Variants in RANBP1 observed in about 807,000 individuals in gnomAD.
RANBP1 encodes ran-specific GTPase-activating protein.
Under a neutral mutation model 31.4 loss-of-function variants are expected in RANBP1, and 16 were observed. The observed-to-expected ratio is 0.51, with a 90% CI of 0.34 to 0.77. RANBP1 has a LOEUF of 0.77. Among genes scored for constraint, RANBP1 ranks in the 30% least tolerant of loss-of-function variants. The pLI is 0.01. For synonymous variants in RANBP1, 129 were observed against 140.5 expected (o/e 0.92, Z 0.58); for missense variants, 265 against 362.0 (o/e 0.73, Z 2.17).
intron 3 of RANBP1, 157 bp from the exon 4 acceptor site, chr22:20,125,151 G>T: frequency 4.0e-6 from 3 of 745,072 alleles, no homozygotes; most frequent in African/African-American, 1.8e-5. Context: ...CAGGCGCCGT[G>T]GTACTTTGTC....
rs1389251673 is a variant in RANBP1 at position 20,125,116 on chromosome 22, T to A, written c.542-192T>A. 13 of 621,914 alleles carry A rather than the reference T, an allele frequency of 2.1e-5. No individual in the cohort carries two copies. The Admixed American group carries it at 3.9e-4, about 19-fold the overall frequency. The allele number at this position is 621,914 out of a possible 1,614,324, so 38.5% of individuals were successfully genotyped here. On this transcript the variant is annotated intron_variant, in intron 3 of 5. Coordinates refer to ENST00000430524, the MANE Select transcript of RANBP1 (RefSeq NM_001278639.2). The stretch of plus-strand genomic sequence containing the variant: ...CCTGGTTTTAAGTGAATATGGAGGA[T>A]TTTCAAAGAGGTTTGAATAAAACTC...
chr22:20,118,635 G>A (rs1404676261), intron 1 of RANBP1, among the ~76,000 whole-genome samples: 2 of 152,212 alleles, frequency 1.3e-5, no homozygotes, highest in South Asian at 2.1e-4. Context: ...CACACAGCAG[G>A]TATCATCTGC....
chr22:20,126,183 TC>T, intron 4 of RANBP1, 119 bp from the exon 5 acceptor site: 1 of 1,206,268 alleles, frequency 8.3e-7, no homozygotes, highest in Non-Finnish European at 1.2e-6. Flanking sequence ...ACCAGTCCTT[TC>T]TTAGGTCAGC....
intron 2 of RANBP1, chr22:20,119,541 G>A (rs140554045): frequency 0.011 from 2,229 of 206,078 alleles, 43 homozygotes; most frequent in East Asian, 0.078. Flanking sequence ...TGTTGTTGTT[G>A]TTTTGAGATG....
intron 1 of RANBP1, 113 bp downstream of exon 1, chr22:20,116,543 G>A (rs1480906823): frequency 1.9e-6 from 3 of 1,597,254 alleles, no homozygotes; most frequent in African/African-American, 2.7e-5. Flanking sequence ...GCTGCAGGGG[G>A]CACCGAGACG....
At chr22:20,116,762 G>A in intron 1 of RANBP1, 5 of 1,285,134 alleles carry the variant, frequency 3.9e-6, no homozygotes, top group East Asian at 2.8e-5. Context: ...CCCCATTCCC[G>A]TCTCCTTTCC....
chr22:20,125,578 G>A (rs2050278453), intron 4 of RANBP1, 142 bp downstream of exon 4: 13 of 1,528,948 alleles, frequency 8.5e-6, no homozygotes, highest in Non-Finnish European at 1.1e-5. Flanking sequence ...GCCCTGCCCT[G>A]CTGTTTGGGG....
Position 20,123,069 on chromosome 22 carries a change from G to C in RANBP1, c.541+648G>C, listed in dbSNP as rs371120305. On this transcript the variant is annotated intron_variant, in intron 3 of 5. Coordinates refer to ENST00000430524, the MANE Select transcript of RANBP1 (RefSeq NM_001278639.2). ...TGTGTGGTTGGGGGTCTGGTGTCTGGGTGTTTGGTGTTTGGGGTGTGTATG... is the reference window on the plus strand; with the variant it reads ...TGTGTGGTTGGGGGTCTGGTGTCTGCGTGTTTGGTGTTTGGGGTGTGTATG... 1.6e-4 allele frequency among the ~76,000 whole-genome samples: 19 copies of C among 121,046 alleles called. No individual in the cohort carries two copies. The East Asian group carries it at 5.1e-3, about 33-fold the overall frequency. 79.4% of individuals were successfully genotyped at this position (121,046 alleles called of 152,430 possible).
chr22:20,122,651 G>A (rs1468408884), intron 3 of RANBP1: 1 of 1,496,382 alleles, frequency 6.7e-7, no homozygotes, highest in Non-Finnish European at 9.0e-7. Context: ...CAGCCAGACG[G>A]GCCCTGATGG....
At chr22:20,126,844 G>T in intron 5 of RANBP1, 108 bp from the exon 6 acceptor site, 1 of 1,430,466 alleles carries the variant, frequency 7.0e-7, no homozygotes, top group East Asian at 2.3e-5. Flanking sequence ...TCCCGAGGGC[G>T]GGCAAGCCGC....
At chr22:20,120,743 C>G (rs2050153567) in intron 2 of RANBP1, among the ~76,000 whole-genome samples, 1 of 152,314 alleles carries the variant, frequency 6.6e-6, no homozygotes, top group East Asian at 1.9e-4. Context: ...GTCATCTGAC[C>G]TCAGATGACC....
chr22:20,123,448 G>A (rs1222126799), intron 3 of RANBP1, among the ~76,000 whole-genome samples: 3 of 108,984 alleles, frequency 2.8e-5, no homozygotes, highest in Non-Finnish European at 5.8e-5. Flanking sequence ...GGTGTGTGGT[G>A]TCTGGGGGGG....
intron 2 of RANBP1, among the ~76,000 whole-genome samples, chr22:20,121,543 CTGTTT>C (rs1357646351): frequency 6.7e-6 from 1 of 149,046 alleles, no homozygotes; most frequent in African/African-American, 2.5e-5. Flanking sequence ...CCACTGTGCC[CTGTTT>C]TGTTTTGTTT....
rs575821299 is a variant in RANBP1, at chr22:20,118,639, C to T, written c.247-374C>T. Among the ~76,000 whole-genome samples, 4 of 152,358 alleles carry T rather than the reference C, an allele frequency of 2.6e-5. No individual in the cohort carries two copies. In the East Asian group the frequency reaches 7.7e-4, roughly 29 times the overall value. On this transcript the variant is annotated intron_variant, in intron 1 of 5. Transcript: ENST00000430524. ...CCTTTGATCTTCACACAGCAGGTATCATCTGCATTTTATGGATGAGGAAGA... is the reference window on the plus strand; with the variant it reads ...CCTTTGATCTTCACACAGCAGGTATTATCTGCATTTTATGGATGAGGAAGA...
At chr22:20,124,410 G>T (rs958474502) in intron 3 of RANBP1, 10 of 152,312 alleles carry the variant, frequency 6.6e-5, no homozygotes, top group African/African-American at 2.4e-4. Context: ...GCATGCAGGG[G>T]GCTTGGCATC....
At chr22:20,118,198 G>T in intron 1 of RANBP1, 10 of 1,002,364 alleles carry the variant, frequency 1.0e-5, no homozygotes, top group Non-Finnish European at 1.2e-5. Flanking sequence ...GCGGGCCGCT[G>T]CAGAGCCGCA....
chr22:20,117,841 C>T, intron 1 of RANBP1: 2 of 1,013,614 alleles, frequency 2.0e-6, no homozygotes, highest in Non-Finnish European at 2.4e-6. Context: ...TCGAGGCCTG[C>T]GGAGTTGGGG....
At chr22:20,126,139 A>G (rs1043151528) in intron 4 of RANBP1, among the ~76,000 whole-genome samples, 164 bp from the exon 5 acceptor site, 5 of 152,356 alleles carry the variant, frequency 3.3e-5, no homozygotes, top group Non-Finnish European at 7.3e-5. Flanking sequence ...CAGTCAGATG[A>G]AGGAGACAGA....
chr22:20,122,527 G>T, intron 3 of RANBP1, 106 bp downstream of exon 3: 1 of 1,583,132 alleles, frequency 6.3e-7, no homozygotes, highest in Middle Eastern at 1.7e-4. Flanking sequence ...ATTTCATGGA[G>T]TGCAAGTTTG....
Sources: allele counts gnomAD v4.1 joint callset (sites outside exome capture counted in the v4.1 genomes callset), GRCh38; gene constraint gnomAD v4.1.1; transcripts MANE v1.5; gene names NCBI Gene and HGNC (gene_info 2026-07-23, HGNC 2026-07-21).